SLC25A21: variants seen among roughly 807,000 people sequenced by gnomAD.
SLC25A21 encodes mitochondrial 2-oxodicarboxylate carrier.
Under a neutral mutation model 43.8 loss-of-function variants are expected in SLC25A21, and 47 were observed. The ratio of observed to expected loss-of-function variants is 1.07; its 90% CI spans 0.85 to 1.37. SLC25A21 has a LOEUF of 1.37. Among genes scored for constraint, SLC25A21 ranks in the 40% most tolerant of loss-of-function variants. The pLI is 0.00. For missense variants in SLC25A21, 352 were observed against 350.2 expected, an observed-to-expected ratio of 1.00 and a Z score of -0.04; for synonymous variants, 131 against 121.3, an observed-to-expected ratio of 1.08 and a Z score of -0.52.
At chr14:36,979,036 C>T (rs960676727) in intron 1 of SLC25A21, among the ~76,000 whole-genome samples, 6 of 151,934 alleles carry the variant, frequency 3.9e-5, no homozygotes, top group African/African-American at 9.7e-5. Flanking sequence ...TGCAGTGAGC[C>T]GATATGGCAC....
intron 3 of SLC25A21, among the ~76,000 whole-genome samples, chr14:36,806,010 TTTGAGAC>T (rs1189834646): frequency 5.3e-5 from 8 of 151,750 alleles, no homozygotes; most frequent in Admixed American, 6.6e-5. Context: ...AGGTCAGGAG[TTTGAGAC>T]CAGCTTGGCC....
chr14:37,006,832 A>G (rs1256149778), intron 1 of SLC25A21, among the ~76,000 whole-genome samples: 1 of 152,184 alleles, frequency 6.6e-6, no homozygotes, highest in African/African-American at 2.4e-5. Context: ...TAAATATAGT[A>G]TTATTCATCA....
chr14:37,142,669 G>C (rs978732867), intron 1 of SLC25A21, among the ~76,000 whole-genome samples: 1 of 152,132 alleles, frequency 6.6e-6, no homozygotes, highest in Admixed American at 6.6e-5. Context: ...TTTTAACGGG[G>C]CAAGTCATAG....
At chr14:36,806,259 T>C (rs1421446597) in intron 3 of SLC25A21, among the ~76,000 whole-genome samples, 1 of 152,036 alleles carries the variant, frequency 6.6e-6, no homozygotes, top group African/African-American at 2.4e-5. Flanking sequence ...AAGAGGTGGG[T>C]TAATGGGCAC....
At chr14:36,846,219 ATTCCT>A (rs1479886978) in intron 2 of SLC25A21, among the ~76,000 whole-genome samples, 1 of 152,168 alleles carries the variant, frequency 6.6e-6, no homozygotes, top group Non-Finnish European at 1.5e-5. Context: ...AGAATCTATA[ATTCCT>A]TATATGAGAT....
chr14:36,684,599 A>G (rs934100835), intron 8 of SLC25A21, 145 bp downstream of exon 8: 6 of 664,136 alleles, frequency 9.0e-6, no homozygotes, highest in Admixed American at 6.1e-5. Flanking sequence ...GTTGTCTTGG[A>G]AAGTTTGTCA....
chr14:36,789,905 TTTATATATA>T (rs1887415705), intron 3 of SLC25A21, among the ~76,000 whole-genome samples: 1 of 123,672 alleles, frequency 8.1e-6, no homozygotes, highest in Non-Finnish European at 1.6e-5. Flanking sequence ...ATTATATATA[TTTATATATA>T]TTATATATTT....
At chr14:36,840,683 G>A (rs754438645) in intron 2 of SLC25A21, among the ~76,000 whole-genome samples, 5 of 152,198 alleles carry the variant, frequency 3.3e-5, no homozygotes, top group East Asian at 1.9e-4. Flanking sequence ...AAGTTTTCCC[G>A]TTTAATATTA....
At chr14:37,048,850 T>C (rs1471638346) in intron 1 of SLC25A21, among the ~76,000 whole-genome samples, 1 of 152,184 alleles carries the variant, frequency 6.6e-6, no homozygotes, top group African/African-American at 2.4e-5. Context: ...GACCAATAAC[T>C]AGAGCAGACT....
chr14:37,169,183 A>G (rs567653239), intron 1 of SLC25A21, among the ~76,000 whole-genome samples: 2 of 152,254 alleles, frequency 1.3e-5, no homozygotes, highest in South Asian at 4.2e-4. Context: ...CTATGGGCAC[A>G]GGGAGCTGGC....
chr14:36,839,295 TA>T (rs1318937211), intron 2 of SLC25A21, among the ~76,000 whole-genome samples: 1 of 152,190 alleles, frequency 6.6e-6, no homozygotes, highest in Admixed American at 6.5e-5. Flanking sequence ...TTGTATATTC[TA>T]GGGGGCAATT....
chr14:36,690,160 C>T (rs778600974), intron 7 of SLC25A21, among the ~76,000 whole-genome samples: 1 of 152,078 alleles, frequency 6.6e-6, no homozygotes, highest in Non-Finnish European at 1.5e-5. Flanking sequence ...AGCATTTCTG[C>T]TGATAACCAT....
intron 3 of SLC25A21, among the ~76,000 whole-genome samples, chr14:36,801,661 G>A (rs892634775): frequency 6.6e-6 from 1 of 152,146 alleles, no homozygotes; most frequent in Admixed American, 6.5e-5. Flanking sequence ...CTACTCTGTG[G>A]TGTCTGAAAC....
intron 1 of SLC25A21, among the ~76,000 whole-genome samples, chr14:37,025,943 C>G (rs17105986): frequency 0.27 from 41,136 of 151,998 alleles, 10,018 homozygotes; most frequent in African/African-American, 0.66. Context: ...ATATAGCAAA[C>G]GGAAAAAGCC....
intron 1 of SLC25A21, among the ~76,000 whole-genome samples, chr14:37,162,810 T>G (rs1330997945): frequency 2.6e-5 from 4 of 152,164 alleles, no homozygotes; most frequent in Non-Finnish European, 5.9e-5. Context: ...CAAAGGACTA[T>G]AAATCATGCT....
chr14:37,077,141 T>C (rs1029301740), intron 1 of SLC25A21, among the ~76,000 whole-genome samples: 4 of 152,172 alleles, frequency 2.6e-5, no homozygotes, highest in East Asian at 1.9e-4. Flanking sequence ...CCAGAAGATA[T>C]AGTCAATACT....
intron 4 of SLC25A21, among the ~76,000 whole-genome samples, chr14:36,732,770 A>G (rs1884881691): frequency 6.6e-6 from 1 of 152,184 alleles, no homozygotes; most frequent in African/African-American, 2.4e-5. Flanking sequence ...CCTAAGATAA[A>G]TATCTATAAA....
chr14:36,979,319 T>G (rs1959957856), intron 1 of SLC25A21, among the ~76,000 whole-genome samples: 1 of 136,708 alleles, frequency 7.3e-6, no homozygotes, highest in Admixed American at 6.9e-5. Flanking sequence ...CCAATTAAGG[T>G]AGTGTTTTTT....
At chr14:36,753,257 C>G (rs1455005589) in intron 3 of SLC25A21, among the ~76,000 whole-genome samples, 1 of 151,812 alleles carries the variant, frequency 6.6e-6, no homozygotes, top group Non-Finnish European at 1.5e-5. Flanking sequence ...TAAAAAATAA[C>G]AGAAAGTGAA....
Sources: allele counts gnomAD v4.1 joint callset (sites outside exome capture counted in the v4.1 genomes callset), GRCh38; gene constraint gnomAD v4.1.1; transcripts MANE v1.5; gene names NCBI Gene and HGNC (gene_info 2026-07-23, HGNC 2026-07-21).